OR4K17: variants seen among roughly 807,000 people sequenced by gnomAD.
OR4K17 encodes olfactory receptor family 4 subfamily K member 17.
For synonymous variants in OR4K17, 157 were observed against 132.8 expected (o/e 1.18, Z -1.25); for missense variants, 480 against 366.3 (o/e 1.31, Z -2.53).
rs1423436176 is a variant in OR4K17, at chr14:20,120,827, A to G, written c.*2389A>G. On this transcript the variant is annotated 3_prime_UTR_variant, in exon 2 of 2. Coordinates refer to ENST00000641386, the MANE Select transcript of OR4K17 (RefSeq NM_001004715.5). ...ACAAGCAGTTTCTCAAGCTGGACCC[A>G]GTGCCAAGAGGGATTCCTCCAGCCA... 1 of 152,342 alleles carries G rather than the reference A, an allele frequency of 6.6e-6. No homozygotes were observed. Among genetic ancestry groups the G allele is most frequent in the African/African-American group, 2.4e-5 (1 of 41,470 alleles). The allele number at this position is 152,342 out of a possible 1,614,324, so 9.4% of individuals were successfully genotyped here. A position where few individuals can be genotyped will look rare whatever the true frequency, so the allele number is the denominator to read the frequency against.
At position 20,120,081 on chromosome 14, in the gene OR4K17, AT is replaced by A. The variant is rs1458694736; in HGVS notation, c.*1644del. The A allele has an allele frequency of 6.6e-6, 1 of 152,182 alleles. No homozygotes were observed. The highest frequency in any genetic ancestry group is 1.5e-5 in the Non-Finnish European group (1 of 68,028). 9.4% of individuals were successfully genotyped at this position (152,182 alleles called of 1,614,324 possible). A position where few individuals can be genotyped will look rare whatever the true frequency, so the allele number is the denominator to read the frequency against. ...TGTCCTTCAGAGGAGCTTGATAGAT[AT>A]GTACTTTGTTTAGTTGTTACAATGG... On this transcript the variant is annotated 3_prime_UTR_variant, in exon 2 of 2. Coordinates refer to ENST00000641386, the MANE Select transcript of OR4K17 (RefSeq NM_001004715.5).
At position 20,117,941 on chromosome 14, in the gene OR4K17, T is replaced by C. The variant is rs1878047164; in HGVS notation, c.442T>C (p.Ser148Pro). 2 of 1,614,132 alleles carry C rather than the reference T, an allele frequency of 1.2e-6. No individual in the cohort carries two copies. Among genetic ancestry groups the C allele is most frequent in the African/African-American group, 1.3e-5 (1 of 75,032 alleles). The stretch of plus-strand genomic sequence containing the variant: ...GGTATGTGTTTTGCTTGTAGTGACC[T>C]CATGGCTCTTGGGTCTCCTTCACTC... The part of the protein sequence containing the change: ...KKVCVLLVVT[S>P]WLLGLLHSGF... The change falls in exon 2 of 2, where the codon TCA (serine) becomes CCA (proline). Residue 148 changes from serine (S) to proline (P), a missense_variant. Coordinates refer to ENST00000641386, the MANE Select transcript of OR4K17 (RefSeq NM_001004715.5).
chr14:20,113,691 T>C (rs1471127133), intron 1 of OR4K17, among the ~76,000 whole-genome samples: 1 of 152,006 alleles, frequency 6.6e-6, no homozygotes, highest in African/African-American at 2.4e-5. Context: ...TTTCTTCTCA[T>C]TGCCTAACAT....
rs779074321 is a variant in OR4K17, at chr14:20,118,156, T to C, written c.657T>C (p.Ser219=). Residue 219 remains serine (S), a synonymous_variant, in exon 2 of 2, where the codon AGT becomes AGC. Coordinates refer to ENST00000641386, the MANE Select transcript of OR4K17 (RefSeq NM_001004715.5). ...TCATTATTTTGCTTATCTCCTACAG[T>C]CTGATCCTCATAACCATTAAGAACC... ...SCFIILLISY[S]LILITIKNHS... 5 of 1,614,156 alleles carry C rather than the reference T, an allele frequency of 3.1e-6. No homozygotes were observed. The highest frequency in any genetic ancestry group is 4.2e-6 in the Non-Finnish European group (5 of 1,180,014).
chr14:20,115,618 T>A (rs1207308264), intron 1 of OR4K17, among the ~76,000 whole-genome samples: 2 of 152,104 alleles, frequency 1.3e-5, no homozygotes, highest in African/African-American at 4.8e-5. Flanking sequence ...ACACTCATAA[T>A]CCTTATGATA....
At position 20,121,406 on chromosome 14, in the gene OR4K17, GTT is replaced by G. The variant is rs1236365070; in HGVS notation, c.*2972_*2973del. On this transcript the variant is annotated 3_prime_UTR_variant, in exon 2 of 2. Coordinates refer to ENST00000641386, the MANE Select transcript of OR4K17 (RefSeq NM_001004715.5). ...GAAATTTGATGAAGAGATTGAAATAGTTTTTAAAATTCCAGAAATTTGTTTAA... is the reference window on the plus strand; with the variant it reads ...GAAATTTGATGAAGAGATTGAAATAGTTTAAAATTCCAGAAATTTGTTTAA... 6.6e-6 allele frequency: 1 copy of G among 152,096 alleles called. No homozygotes were observed. The highest frequency in any genetic ancestry group is 1.5e-5 in the Non-Finnish European group (1 of 68,018). The allele number at this position is 152,096 out of a possible 1,614,324, so 9.4% of individuals were successfully genotyped here.
chr14:20,113,629 T>A (rs112557022), intron 1 of OR4K17, among the ~76,000 whole-genome samples: 1 of 152,036 alleles, frequency 6.6e-6, no homozygotes, highest in African/African-American at 2.4e-5. Flanking sequence ...GTTTCTAACA[T>A]AAAAAGTAAT....
At position 20,117,661 on chromosome 14, in the gene OR4K17, C is replaced by T. The variant is rs1878030866; in HGVS notation, c.162C>T (p.Asn54=). The change falls in exon 2 of 2, where the codon AAC becomes AAT. Residue 54 remains asparagine (N), a synonymous_variant. Coordinates refer to ENST00000641386, the MANE Select transcript of OR4K17 (RefSeq NM_001004715.5). ...LIIVTVFNTP[N]LNTPMYFLLG... ...TAGTCACAGTGTTTAACACCCCTAA[C>T]CTGAATACTCCCATGTATTTTCTCC... The T allele has an allele frequency of 1.9e-6, 3 of 1,613,870 alleles. No individual in the cohort carries two copies. Among genetic ancestry groups the T allele is most frequent in the South Asian group, 1.1e-5 (1 of 91,086 alleles).
Position 20,118,193 on chromosome 14 carries a change from G to C in OR4K17, c.694G>C (p.Gly232Arg), listed in dbSNP as rs769175488. The part of the protein sequence containing the change: ...LITIKNHSPT[G>R]QSKARSTLTA... The stretch of plus-strand genomic sequence containing the variant: ...AACCATTAAGAACCACTCTCCTACT[G>C]GGCAATCTAAAGCCCGTTCCACTTT... Residue 232 changes from glycine to arginine, a missense_variant, in exon 2 of 2, where the codon GGG becomes CGG. Gly to Arg is a moderately radical substitution (Grantham distance 125). Transcript: ENST00000641386. The C allele has an allele frequency of 3.7e-6, 6 of 1,613,986 alleles. No homozygotes were observed. In the South Asian group the frequency reaches 6.6e-5, roughly 18 times the overall value.
chr14:20,115,632 T>C (rs1877972774), intron 1 of OR4K17, among the ~76,000 whole-genome samples: 2 of 152,072 alleles, frequency 1.3e-5, no homozygotes, highest in South Asian at 4.1e-4. Flanking sequence ...TATGATAAAT[T>C]CTGAGAGGTG....
rs1594197776 is a variant in OR4K17, at chr14:20,121,450, A to C, written c.*3012A>C. ...TTTGTTTAAAAATAAATAACATAAA[A>C]ATATGTAAATTGTGACAGTAAAAAC... On this transcript the variant is annotated 3_prime_UTR_variant, in exon 2 of 2. Coordinates refer to ENST00000641386, the MANE Select transcript of OR4K17 (RefSeq NM_001004715.5). 2 of 152,308 alleles carry C rather than the reference A, an allele frequency of 1.3e-5. No homozygotes were observed. The highest frequency in any genetic ancestry group is 2.9e-5 in the Non-Finnish European group (2 of 68,022). 9.4% of individuals were successfully genotyped at this position (152,308 alleles called of 1,614,324 possible).
intron 1 of OR4K17, 121 bp from the exon 2 acceptor site, chr14:20,117,347 C>A: frequency 8.3e-7 from 1 of 1,204,402 alleles, no homozygotes; most frequent in Non-Finnish European, 1.2e-6. Flanking sequence ...GATACTGACA[C>A]TAAATTTCAA....
In OR4K17 at chr14:20,117,626, C is replaced by T. The variant is rs1181441015; in HGVS notation, c.127C>T (p.Leu43Phe). The T allele has an allele frequency of 1.2e-6, 2 of 1,613,780 alleles. No homozygotes were observed. The highest frequency in any genetic ancestry group is 2.2e-5 in the South Asian group (2 of 91,054). Residue 43 changes from leucine to phenylalanine, a missense_variant, in exon 2 of 2, where the codon CTT becomes TTT. Leu to Phe is a conservative substitution (Grantham distance 22). Coordinates refer to ENST00000641386, the MANE Select transcript of OR4K17 (RefSeq NM_001004715.5). ...CTATGTGGTCACAGTTTTGGGTAAC[C>T]TTCTTATTATAGTCACAGTGTTTAA... ...VIYVVTVLGN[L>F]LIIVTVFNTP...
chr14:20,117,642 C>A lies in OR4K17; in HGVS notation c.143C>A (p.Thr48Lys). Residue 48 changes from threonine to lysine, a missense_variant, in exon 2 of 2, where the codon ACA (threonine) becomes AAA (lysine). By Grantham distance (78) the Thr-to-Lys change is moderately conservative. Transcript: ENST00000641386. ...TTGGGTAACCTTCTTATTATAGTCA[C>A]AGTGTTTAACACCCCTAACCTGAAT... ...TVLGNLLIIV[T>K]VFNTPNLNTP... The A allele has an allele frequency of 6.2e-7, 1 of 1,613,904 alleles. No homozygotes were observed. The highest frequency in any genetic ancestry group is 8.5e-7 in the Non-Finnish European group (1 of 1,179,866).
rs760368508 is a variant in OR4K17, at chr14:20,117,572, T to C, written c.73T>C (p.Phe25Leu). Reference protein sequence around the residue: ...LGLTSSQDVEFLLFALFSVIY... With the variant: ...LGLTSSQDVELLLFALFSVIY... ...ACTGACCAGCTCCCAGGATGTAGAG[T>C]TTCTTCTCTTTGCCCTCTTCTCGGT... The change falls in exon 2 of 2, where the codon TTT (phenylalanine) becomes CTT (leucine). Residue 25 changes from phenylalanine (F) to leucine (L), a missense_variant. Phe to Leu is a conservative substitution (Grantham distance 22). Transcript: ENST00000641386. 1 of 1,613,646 alleles carries C rather than the reference T, an allele frequency of 6.2e-7. No individual in the cohort carries two copies. Among genetic ancestry groups the C allele is most frequent in the Admixed American group, 1.7e-5 (1 of 59,950 alleles).
In OR4K17 at chr14:20,117,413, C is replaced by T. The variant is rs78711883; in HGVS notation, c.-32-55C>T. 10 of 1,579,860 alleles carry T rather than the reference C, an allele frequency of 6.3e-6. No homozygotes were observed. Among genetic ancestry groups the T allele is most frequent in the Non-Finnish European group, 8.6e-6 (10 of 1,169,294 alleles). On this transcript the variant is annotated intron_variant, in intron 1 of 1. Transcript: ENST00000641386. ...CATAAGTTTGGTTTTTCATATGGCT[C>T]TTTATTTTTCACTCATACTCCATGG... is the stretch of plus-strand genomic sequence containing the variant.
rs1433707986 is a variant in OR4K17, at chr14:20,119,797, C to T, written c.*1359C>T. 6.6e-6 allele frequency: 1 copy of T among 152,162 alleles called. No individual in the cohort carries two copies. Among genetic ancestry groups the T allele is most frequent in the Non-Finnish European group, 1.5e-5 (1 of 68,046 alleles). The allele number at this position is 152,162 out of a possible 1,614,324, so 9.4% of individuals were successfully genotyped here. A position where few individuals can be genotyped will look rare whatever the true frequency, so the allele number is the denominator to read the frequency against. On this transcript the variant is annotated 3_prime_UTR_variant, in exon 2 of 2. Coordinates refer to ENST00000641386, the MANE Select transcript of OR4K17 (RefSeq NM_001004715.5). Reference sequence around the variant, plus strand: ...AGGCTTCAGTGAGCTGAGTTTGTGTCACTGCCCTCCAGCCTGGGTGACAGA... The same window carrying T: ...AGGCTTCAGTGAGCTGAGTTTGTGTTACTGCCCTCCAGCCTGGGTGACAGA...
chr14:20,119,057 G>A lies in OR4K17; in HGVS notation c.*619G>A, dbSNP rs1878095013. 6.6e-6 allele frequency: 1 copy of A among 152,146 alleles called. No individual in the cohort carries two copies. The highest frequency in any genetic ancestry group is 1.5e-5 in the Non-Finnish European group (1 of 68,048). The allele number at this position is 152,146 out of a possible 1,614,324, so 9.4% of individuals were successfully genotyped here. The stretch of plus-strand genomic sequence containing the variant: ...CGGCCATTTTAGAGACCTCCCCCTA[G>A]GAATGCATTCTCCTTCTCAGGGTTA... On this transcript the variant is annotated 3_prime_UTR_variant, in exon 2 of 2. Coordinates refer to ENST00000641386, the MANE Select transcript of OR4K17 (RefSeq NM_001004715.5).
At chr14:20,111,568 G>A (rs1354199584) in intron 1 of OR4K17, among the ~76,000 whole-genome samples, 1 of 151,966 alleles carries the variant, frequency 6.6e-6, no homozygotes, top group Non-Finnish European at 1.5e-5. Flanking sequence ...TAATTTAAGA[G>A]CATGTAAGCA....
Sources: gnomAD v4.1 joint callset for allele counts (sites outside exome capture counted in the v4.1 genomes callset) on GRCh38, gnomAD v4.1.1 for gene constraint, MANE v1.5 for transcripts, NCBI Gene and HGNC (gene_info 2026-07-23, HGNC 2026-07-21) for gene names.